Variants in ATP1A4 observed in about 807,000 individuals in gnomAD.
The protein encoded by ATP1A4 is sodium/potassium-transporting ATPase subunit alpha-4.
Under a neutral mutation model 114.3 loss-of-function variants are expected in ATP1A4, and 90 were observed. The ratio of observed to expected loss-of-function variants is 0.79; its 90% CI spans 0.66 to 0.94. ATP1A4 has a LOEUF of 0.94. Among genes scored for constraint, ATP1A4 ranks in the 40% least tolerant of loss-of-function variants. ATP1A4 has a pLI of 0.00. For synonymous variants in ATP1A4, 511 were observed against 494.1 expected (o/e 1.03, Z -0.45); for missense variants, 1,222 against 1,313.6 (o/e 0.93, Z 1.08).
chr1:160,180,603 T>G (rs547497157), intron 18 of ATP1A4, among the ~76,000 whole-genome samples: 6 of 152,034 alleles, frequency 3.9e-5, no homozygotes, highest in East Asian at 3.9e-4. Flanking sequence ...TACCACTCTT[T>G]GGGGTATTTC....
chr1:160,164,618 C>T (rs1225024197), intron 7 of ATP1A4, among the ~76,000 whole-genome samples, 194 bp downstream of exon 7: 2 of 152,188 alleles, frequency 1.3e-5, no homozygotes, highest in African/African-American at 4.8e-5. Flanking sequence ...CTTCTCTTTC[C>T]TCAATGAGAG....
At chr1:160,170,086 C>T (rs1653190264) in intron 10 of ATP1A4, 1 of 152,190 alleles carries the variant, frequency 6.6e-6, no homozygotes, top group Admixed American at 6.5e-5. Context: ...GTCAGGAATT[C>T]AAGACCAGGC....
At chr1:160,185,887 C>CT (rs1653863597) in intron 20 of ATP1A4, among the ~76,000 whole-genome samples, 1 of 148,668 alleles carries the variant, frequency 6.7e-6, no homozygotes, top group Non-Finnish European at 1.5e-5. Context: ...CCACTGCACT[C>CT]CAGCCTGGGT....
intron 7 of ATP1A4, 37 bp downstream of exon 7, chr1:160,164,461 C>A (rs1652966578): frequency 2.5e-6 from 4 of 1,607,022 alleles, no homozygotes; most frequent in Non-Finnish European, 3.4e-6. Flanking sequence ...TCAGGGCAGA[C>A]AAACCACCCC....
intron 13 of ATP1A4, 109 bp downstream of exon 13, chr1:160,173,826 T>C (rs975413109): frequency 1.8e-5 from 25 of 1,379,004 alleles, no homozygotes; most frequent in African/African-American, 4.3e-5. Flanking sequence ...ATAGGTAGGA[T>C]GTGTGGGGTT....
chr1:160,177,435 C>T (rs1653513322), intron 17 of ATP1A4, 84 bp from the exon 18 acceptor site: 1 of 1,493,858 alleles, frequency 6.7e-7, no homozygotes, highest in Non-Finnish European at 9.1e-7. Flanking sequence ...GAAGCAAGTC[C>T]CAGCCCCCAG....
At chr1:160,158,438 G>A (rs902910357) in intron 4 of ATP1A4, among the ~76,000 whole-genome samples, 33 of 152,032 alleles carry the variant, frequency 2.2e-4, no homozygotes, top group African/African-American at 6.8e-4. Context: ...GCGTAGTGAT[G>A]TGATCACGGC....
Position 160,164,197 on chromosome 1 carries a change from G to A in ATP1A4, c.820G>A (p.Val274Met). 1 of 1,614,212 alleles carries A rather than the reference G, an allele frequency of 6.2e-7. No homozygotes were observed. Among genetic ancestry groups the A allele is most frequent in the Non-Finnish European group, 8.5e-7 (1 of 1,180,038 alleles). ...GIVIATGDST[V>M]MGRIASLTSG... is the part of the protein sequence containing the mutation. ...TGTGATTGCTACGGGAGACTCCACA[G>A]TGATGGGCAGAATTGCCTCCCTGAC... Residue 274 changes from valine (V) to methionine (M), a missense_variant, in exon 7 of 22, where the codon GTG becomes ATG. Coordinates refer to ENST00000368081, the MANE Select transcript of ATP1A4 (RefSeq NM_144699.4).
In ATP1A4 at chr1:160,164,419, G is replaced by A. The variant is rs1418431191; in HGVS notation, c.1042G>A (p.Val348Ile). The A allele has an allele frequency of 1.9e-6, 3 of 1,614,092 alleles. No individual in the cohort carries two copies. The highest frequency in any genetic ancestry group is 2.5e-6 in the Non-Finnish European group (3 of 1,179,968). ...TGTGCCTGAGGGGCTGTTGGCCACAGTCACTGTGAGTAGACAGGGTGGAAA... is the reference window on the plus strand; with the variant it reads ...TGTGCCTGAGGGGCTGTTGGCCACAATCACTGTGAGTAGACAGGGTGGAAA... ...ANVPEGLLAT[V>I]TVCLTLTAKR... The change falls in exon 7 of 22, where the codon GTC becomes ATC. Residue 348 changes from valine (V) to isoleucine (I), a missense_variant. By Grantham distance (29) the Val-to-Ile change is conservative. Coordinates refer to ENST00000368081, the MANE Select transcript of ATP1A4 (RefSeq NM_144699.4).
chr1:160,174,215 C>A lies in ATP1A4; in HGVS notation c.2096C>A (p.Thr699Asn). 1 of 1,614,108 alleles carries A rather than the reference C, an allele frequency of 6.2e-7. No individual in the cohort carries two copies. The highest frequency in any genetic ancestry group is 8.5e-7 in the Non-Finnish European group (1 of 1,180,028). Residue 699 changes from threonine to asparagine, a missense_variant, in exon 14 of 22, where the codon ACC becomes AAC. Transcript: ENST00000368081. ...CACCCTGAGATCGTGTTTGCTCGGA[C>A]CTCCCCTCAGCAGAAGCTCATCATT... ...QNHPEIVFAR[T>N]SPQQKLIIVE...
At chr1:160,157,916 G>A (rs1652725060) in intron 4 of ATP1A4, among the ~76,000 whole-genome samples, 1 of 152,152 alleles carries the variant, frequency 6.6e-6, no homozygotes, top group African/African-American at 2.4e-5. Context: ...GAGGTTCCTA[G>A]GCACGGGACT....
chr1:160,164,471 C>T (rs1458607430), intron 7 of ATP1A4, 47 bp downstream of exon 7: 1 of 1,598,554 alleles, frequency 6.3e-7, no homozygotes, highest in Admixed American at 1.7e-5. Flanking sequence ...CAAACCACCC[C>T]AGGGAAAAGG....
At chr1:160,162,443 C>G (rs1003414294) in intron 6 of ATP1A4, among the ~76,000 whole-genome samples, 1 of 152,184 alleles carries the variant, frequency 6.6e-6, no homozygotes, top group African/African-American at 2.4e-5. Flanking sequence ...AGAAGCCCAG[C>G]TGTTATGGCC....
At chr1:160,179,367 A>G (rs911008596) in intron 18 of ATP1A4, among the ~76,000 whole-genome samples, 3 of 152,262 alleles carry the variant, frequency 2.0e-5, no homozygotes, top group Non-Finnish European at 4.4e-5. Flanking sequence ...AAGATGCAGC[A>G]TAACATAAAT....
At chr1:160,169,277 A>T (rs1653152789) in intron 10 of ATP1A4, among the ~76,000 whole-genome samples, 1 of 152,232 alleles carries the variant, frequency 6.6e-6, no homozygotes, top group Non-Finnish European at 1.5e-5. Flanking sequence ...GATAAAAATG[A>T]AACGAAGAAG....
intron 3 of ATP1A4, among the ~76,000 whole-genome samples, chr1:160,155,812 A>AG (rs928694993): frequency 1.2e-4 from 18 of 152,166 alleles, no homozygotes; most frequent in African/African-American, 4.3e-4. Context: ...AGAAAGATAC[A>AG]GGCCTTCTCT....
intron 7 of ATP1A4, among the ~76,000 whole-genome samples, chr1:160,165,383 A>G (rs1652989673): frequency 6.6e-6 from 1 of 152,236 alleles, no homozygotes; most frequent in Non-Finnish European, 1.5e-5. Flanking sequence ...TTCACAATCA[A>G]CAAAAGTCTT....
At chr1:160,175,251 G>A (rs914036738) in intron 15 of ATP1A4, among the ~76,000 whole-genome samples, 1 of 152,118 alleles carries the variant, frequency 6.6e-6, no homozygotes, top group African/African-American at 2.4e-5. Flanking sequence ...GCCCTCCTGC[G>A]AACAGGAGAG....
chr1:160,166,764 T>C (rs1290329097), intron 8 of ATP1A4, 38 bp downstream of exon 8: 2 of 1,612,512 alleles, frequency 1.2e-6, no homozygotes, highest in Non-Finnish European at 1.7e-6. Flanking sequence ...GTGGAGGGAT[T>C]TGGGGGATGT....
Sources: gnomAD v4.1 joint callset for allele counts (sites outside exome capture counted in the v4.1 genomes callset) on GRCh38, gnomAD v4.1.1 for gene constraint, MANE v1.5 for transcripts, NCBI Gene and HGNC (gene_info 2026-07-23, HGNC 2026-07-21) for gene names.